Variants in POTEI observed in about 807,000 individuals in gnomAD.
POTEI encodes the protein POTE ankyrin domain family, member I.
In POTEI, 14 loss-of-function variants were observed where a neutral mutation model predicts 43.4. The observed-to-expected ratio is 0.32, with a 90% CI of 0.21 to 0.50. POTEI has a LOEUF of 0.50. Among genes scored for constraint, POTEI ranks in the 20% least tolerant of loss-of-function variants. The probability of loss-of-function intolerance (pLI) is 0.98; values close to 1 mark genes in which losing one functional copy is unlikely to be tolerated. For missense variants in POTEI, 235 were observed against 795.4 expected (o/e 0.30, Z 8.47); for synonymous variants, 95 against 297.9 (o/e 0.32, Z 7.01).
intron 5 of POTEI, among the ~76,000 whole-genome samples, 165 bp from the exon 6 acceptor site, chr2:130,496,787 C>T (rs1392842148): frequency 7.1e-6 from 1 of 141,578 alleles, no homozygotes; most frequent in African/African-American, 2.5e-5. Context: ...TCTCTTTAAG[C>T]TTCTAATTAA....
chr2:130,485,116 G>A (rs1184082782), intron 9 of POTEI, among the ~76,000 whole-genome samples: 9 of 150,820 alleles, frequency 6.0e-5, no homozygotes, highest in East Asian at 2.0e-4. Flanking sequence ...AAATAGAGAC[G>A]TCAAGTAGGC....
Position 130,488,563 on chromosome 2 carries a change from G to A in POTEI, c.1243-365C>T, listed in dbSNP as rs1221050639. On this transcript the variant is annotated intron_variant, in intron 8 of 14. Coordinates refer to ENST00000451531, the MANE Select transcript of POTEI (RefSeq NM_001277406.2). Reference sequence around the variant, plus strand: ...AACACGCAAATAAAAAGACAAAGATGCAAAATGTGTCTTCTGTCTTTACCA... The same window carrying A: ...AACACGCAAATAAAAAGACAAAGATACAAAATGTGTCTTCTGTCTTTACCA... 1.2e-4 allele frequency among the ~76,000 whole-genome samples: 15 copies of A among 123,658 alleles called. 3 individuals are homozygous for A. The highest frequency in any genetic ancestry group is 4.3e-4 in the African/African-American group (14 of 32,788). The allele number at this position is 123,658 out of a possible 152,430, so 81.1% of individuals were successfully genotyped here. A position where few individuals can be genotyped will look rare whatever the true frequency, so the allele number is the denominator to read the frequency against.
At chr2:130,483,707 G>A (rs1486132349) in intron 9 of POTEI, among the ~76,000 whole-genome samples, 2 of 145,192 alleles carry the variant, frequency 1.4e-5, no homozygotes, top group Non-Finnish European at 3.0e-5. Context: ...CCATTCTCCT[G>A]CCTCAGCCTC....
chr2:130,509,109 C>A lies in POTEI; in HGVS notation c.127G>T (p.Val43Leu), dbSNP rs530322818. The A allele has an allele frequency of 6.5e-7, 1 of 1,535,050 alleles. No homozygotes were observed. Residue 43 changes from valine to leucine, a missense_variant, in exon 1 of 15, where the codon GTG (valine) becomes TTG (leucine). Coordinates refer to ENST00000451531, the MANE Select transcript of POTEI (RefSeq NM_001277406.2). ...PCCRGSGKSN[V>L]GTSGDQDDST... ...TCGTCCTGGTCTCCAGAAGTGCCCA[C>A]GTTGCTCTTGCCGCTCCCCCTGCAG...
intron 10 of POTEI, among the ~76,000 whole-genome samples, chr2:130,480,035 T>C: frequency 2.0e-5 from 1 of 50,700 alleles, no homozygotes; most frequent in African/African-American, 7.4e-5. Context: ...TCTCCCTGTT[T>C]AAAAGACACA....
intron 10 of POTEI, among the ~76,000 whole-genome samples, chr2:130,480,368 C>A (rs1368646949): frequency 6.7e-6 from 1 of 148,172 alleles, no homozygotes; most frequent in East Asian, 2.1e-4. Context: ...ACCTCACTCC[C>A]AACCTCTGGT....
At chr2:130,492,969 G>C (rs1385950924) in intron 6 of POTEI, among the ~76,000 whole-genome samples, 2 of 150,864 alleles carry the variant, frequency 1.3e-5, no homozygotes, top group African/African-American at 4.9e-5. Flanking sequence ...TTAAATACTA[G>C]CCTATACAAA....
At position 130,460,465 on chromosome 2, in the gene POTEI, TAA is replaced by T. The variant is rs1558875118; in HGVS notation, c.*2349_*2350del. On this transcript the variant is annotated 3_prime_UTR_variant, in exon 15 of 15. Transcript: ENST00000451531. ...CCTCAGTATTCCTAAAGTGCTGGGA[TAA>T]AGTGTCTCACAAGGGCAAGTGGACC... 6.6e-6 allele frequency: 1 copy of T among 151,762 alleles called. No homozygotes were observed. The highest frequency in any genetic ancestry group is 2.0e-4 in the East Asian group (1 of 5,126). 9.4% of individuals were successfully genotyped at this position (151,762 alleles called of 1,614,324 possible). A position where few individuals can be genotyped will look rare whatever the true frequency, so the allele number is the denominator to read the frequency against.
At chr2:130,477,407 G>A (rs1364555341) in intron 10 of POTEI, among the ~76,000 whole-genome samples, 1 of 149,258 alleles carries the variant, frequency 6.7e-6, no homozygotes, top group African/African-American at 2.5e-5. Context: ...TGAAAGTGCT[G>A]GGATTACAGG....
chr2:130,468,395 G>A (rs1218472228), intron 13 of POTEI, among the ~76,000 whole-genome samples: 1 of 152,242 alleles, frequency 6.6e-6, no homozygotes, highest in Non-Finnish European at 1.5e-5. Context: ...ATTCATAAAG[G>A]AAAGAGGATT....
chr2:130,491,616 T>A (rs1683737669), intron 6 of POTEI, among the ~76,000 whole-genome samples: 1 of 24,630 alleles, frequency 4.1e-5, no homozygotes, highest in Non-Finnish European at 8.3e-5. Context: ...ATCTAAAATG[T>A]TTCCCTCCAC....
intron 8 of POTEI, among the ~76,000 whole-genome samples, chr2:130,488,813 G>A (rs1683659979): frequency 2.6e-5 from 2 of 76,734 alleles, no homozygotes; most frequent in African/African-American, 8.4e-5. Flanking sequence ...AACTGCTGAC[G>A]TGCAAGCATG....
At chr2:130,505,116 A>G (rs1427774641) in intron 1 of POTEI, among the ~76,000 whole-genome samples, 1 of 149,712 alleles carries the variant, frequency 6.7e-6, no homozygotes, top group African/African-American at 2.5e-5. Context: ...CCCTCTAGGT[A>G]TCTGTGTGTT....
chr2:130,469,123 G>T, intron 13 of POTEI, among the ~76,000 whole-genome samples: 1 of 44,152 alleles, frequency 2.3e-5, no homozygotes, highest in Non-Finnish European at 5.2e-5. Flanking sequence ...GAACTCTTCT[G>T]GTTAAGATGA....
At chr2:130,477,571 C>T (rs574893275) in intron 10 of POTEI, among the ~76,000 whole-genome samples, 2,362 of 149,086 alleles carry the variant, frequency 0.016, 45 homozygotes, top group African/African-American at 0.055. Flanking sequence ...ATCTTGACCA[C>T]CTAAACTGTA....
chr2:130,507,406 GTATATATATGTATATA>G lies in POTEI; in HGVS notation c.521+1293_521+1308del, dbSNP rs1460474049. Among the ~76,000 whole-genome samples the G allele has an allele frequency of 6.9e-3, 8 of 1,160 alleles. 1 individual carries two copies. The highest frequency in any genetic ancestry group is 0.031 in the Non-Finnish European group (1 of 32). 0.8% of individuals were successfully genotyped at this position (1,160 alleles called of 152,430 possible). The stretch of plus-strand genomic sequence containing the variant: ...CATATGTATATATATGTATATATGT[GTATATATATGTATATA>G]TATATATATCTGCGTATATAAATAG... On this transcript the variant is annotated intron_variant, in intron 1 of 14. Coordinates refer to ENST00000451531, the MANE Select transcript of POTEI (RefSeq NM_001277406.2).
chr2:130,496,416 T>C, intron 6 of POTEI, 136 bp downstream of exon 6: 1 of 503,738 alleles, frequency 2.0e-6, no homozygotes, highest in Non-Finnish European at 3.5e-6. Context: ...ACAATAAATG[T>C]AACATGATTG....
Position 130,486,547 on chromosome 2 carries a change from T to C in POTEI, c.1409+1485A>G, listed in dbSNP as rs1169970395. 3.7e-4 allele frequency among the ~76,000 whole-genome samples: 3 copies of C among 8,180 alleles called. 1 individual carries two copies. Among genetic ancestry groups the C allele is most frequent in the African/African-American group, 4.3e-4 (3 of 6,958 alleles). 5.4% of individuals were successfully genotyped at this position (8,180 alleles called of 152,430 possible). A position where few individuals can be genotyped will look rare whatever the true frequency, so the allele number is the denominator to read the frequency against. On this transcript the variant is annotated intron_variant, in intron 9 of 14. Transcript: ENST00000451531. ...CTTGGGCCAAATCCAGCCCACTGCCTGTTTTTGTAAGTCAAGTATTTTGGA... is the reference window on the plus strand; with the variant it reads ...CTTGGGCCAAATCCAGCCCACTGCCCGTTTTTGTAAGTCAAGTATTTTGGA...
chr2:130,483,974 A>T (rs544188638), intron 9 of POTEI, among the ~76,000 whole-genome samples: 4 of 150,210 alleles, frequency 2.7e-5, no homozygotes, highest in African/African-American at 9.9e-5. Context: ...AGGTAGCTAC[A>T]TCCAATATGC....
Sources: allele counts gnomAD v4.1 joint callset (sites outside exome capture counted in the v4.1 genomes callset), GRCh38; gene constraint gnomAD v4.1.1; transcripts MANE v1.5; gene names NCBI Gene and HGNC (gene_info 2026-07-23, HGNC 2026-07-21).